Variants in MBP observed in about 807,000 individuals in gnomAD.
MBP encodes Golli-MBP.
In MBP, 16 loss-of-function variants were observed where a neutral mutation model predicts 35.8. The ratio of observed to expected loss-of-function variants is 0.45; its 90% CI spans 0.30 to 0.68. MBP has a LOEUF of 0.68. Ranked by LOEUF, MBP falls within the 30% of genes least tolerant of loss-of-function variation. MBP has a pLI of 0.08. For synonymous variants in MBP, 143 were observed against 159.6 expected (o/e 0.90, Z 0.78); for missense variants, 380 against 404.7 (o/e 0.94, Z 0.52).
At chr18:77,132,013 C>T (rs1389819322) in intron 1 of MBP, among the ~76,000 whole-genome samples, 2 of 152,132 alleles carry the variant, frequency 1.3e-5, no homozygotes, top group Non-Finnish European at 2.9e-5. Context: ...GGCAGGAGCG[C>T]GATCGCGCGC....
chr18:77,060,370 C>T (rs182241789), intron 3 of MBP, among the ~76,000 whole-genome samples: 1 of 151,254 alleles, frequency 6.6e-6, no homozygotes, highest in Non-Finnish European at 1.5e-5. Context: ...ACTCATTATT[C>T]ACTGTATGAA....
At chr18:77,066,429 G>T in intron 2 of MBP, 44 bp from the exon 3 acceptor site, 1 of 1,240,166 alleles carries the variant, frequency 8.1e-7, no homozygotes, top group Non-Finnish European at 1.2e-6. Flanking sequence ...AAGATAAATT[G>T]TTTTATCAAC....
intron 3 of MBP, among the ~76,000 whole-genome samples, chr18:77,049,006 G>A (rs972289363): frequency 5.9e-5 from 9 of 151,514 alleles, no homozygotes; most frequent in Non-Finnish European, 1.2e-4. Flanking sequence ...TGCCAGCTCC[G>A]CCTCCCGGGT....
intron 4 of MBP, among the ~76,000 whole-genome samples, chr18:76,998,298 C>A (rs562773583): frequency 1.3e-5 from 2 of 150,270 alleles, no homozygotes; most frequent in Non-Finnish European, 3.0e-5. Flanking sequence ...TACCGCAGTG[C>A]CCTCCAGGCG....
chr18:77,008,442 G>T (rs1294957845), intron 4 of MBP, among the ~76,000 whole-genome samples: 1 of 152,180 alleles, frequency 6.6e-6, no homozygotes, highest in Non-Finnish European at 1.5e-5. Flanking sequence ...ACCAAGTGCG[G>T]CTTCACAACC....
At chr18:77,081,898 C>G (rs1217701445) in intron 2 of MBP, among the ~76,000 whole-genome samples, 3 of 104,570 alleles carry the variant, frequency 2.9e-5, no homozygotes, top group East Asian at 3.2e-4. Flanking sequence ...GTCGCACAGG[C>G]TGGAGTGCAG....
intron 3 of MBP, among the ~76,000 whole-genome samples, chr18:77,035,352 T>C (rs1351647341): frequency 6.6e-6 from 1 of 152,252 alleles, no homozygotes; most frequent in Non-Finnish European, 1.5e-5. Flanking sequence ...ATGATTGGAA[T>C]GTTGTGTGCC....
chr18:76,986,065 T>C (rs1426105112), intron 7 of MBP: 5 of 985,278 alleles, frequency 5.1e-6, no homozygotes, highest in Non-Finnish European at 6.0e-6. Flanking sequence ...GCTGTGGGAG[T>C]CTGGGCGCGG....
chr18:77,130,575 C>A (rs1380140183), intron 1 of MBP, among the ~76,000 whole-genome samples: 3 of 151,924 alleles, frequency 2.0e-5, no homozygotes, highest in Non-Finnish European at 4.4e-5. Context: ...TTAAGCATGT[C>A]ATATTTTTAA....
At chr18:77,014,996 T>C in intron 4 of MBP, 10 of 985,022 alleles carry the variant, frequency 1.0e-5, no homozygotes, top group Non-Finnish European at 1.2e-5. Flanking sequence ...CAGCCCTGTT[T>C]TGCAAAGAGA....
intron 2 of MBP, chr18:77,087,437 C>G (rs1178329388): frequency 6.8e-6 from 1 of 146,102 alleles, no homozygotes; most frequent in African/African-American, 2.5e-5. Context: ...TGCAGCAGCC[C>G]CGCTCTGAGC....
intron 1 of MBP, chr18:77,127,867 A>C (rs1342701240): frequency 6.6e-6 from 1 of 152,216 alleles, no homozygotes; most frequent in Non-Finnish European, 1.5e-5. Flanking sequence ...ATAATAAAAA[A>C]AAAAAATAGT....
chr18:77,068,140 A>G (rs768244106), intron 2 of MBP, among the ~76,000 whole-genome samples: 12 of 152,098 alleles, frequency 7.9e-5, no homozygotes, highest in South Asian at 2.1e-4. Flanking sequence ...CTACAATTCA[A>G]TGCTGTCTGG....
intron 7 of MBP, chr18:76,985,353 T>G: frequency 7.8e-7 from 1 of 1,278,678 alleles, no homozygotes. Context: ...GGCCTGCGCC[T>G]TTGCTGGGGG....
intron 3 of MBP, among the ~76,000 whole-genome samples, chr18:77,027,276 T>C (rs1044953693): frequency 6.6e-6 from 1 of 152,154 alleles, no homozygotes; most frequent in Non-Finnish European, 1.5e-5. Flanking sequence ...GAAGAGCCTG[T>C]CCTCAGGATG....
chr18:77,062,333 G>A (rs1388251818), intron 3 of MBP, among the ~76,000 whole-genome samples: 1 of 152,194 alleles, frequency 6.6e-6, no homozygotes. Context: ...GACAGTGTGT[G>A]CACTACCTGT....
chr18:77,009,981 GCCCCAAAGTCCT>G, intron 4 of MBP: 1 of 1,240,670 alleles, frequency 8.1e-7, no homozygotes, highest in Admixed American at 2.0e-5. Context: ...CGCCGGCAAT[GCCCCAAAGTCCT>G]CCAGCAAATC....
intron 3 of MBP, among the ~76,000 whole-genome samples, chr18:77,036,723 G>C (rs1290084173): frequency 7.0e-6 from 1 of 141,850 alleles, no homozygotes; most frequent in Non-Finnish European, 1.5e-5. Flanking sequence ...GGAGGACTGA[G>C]CTGAGCAAGT....
At chr18:77,080,169 G>T (rs2078485929) in intron 2 of MBP, among the ~76,000 whole-genome samples, 1 of 152,164 alleles carries the variant, frequency 6.6e-6, no homozygotes, top group Admixed American at 6.5e-5. Flanking sequence ...AAAAATCATA[G>T]TTTTATTCTT....
Sources: gnomAD v4.1 joint callset for allele counts (sites outside exome capture counted in the v4.1 genomes callset) on GRCh38, gnomAD v4.1.1 for gene constraint, MANE v1.5 for transcripts, NCBI Gene and HGNC (gene_info 2026-07-23, HGNC 2026-07-21) for gene names.